Variants in FHOD3 observed in about 807,000 individuals in gnomAD.
The protein encoded by FHOD3 is formin homology 2 domain containing 3.
FHOD3 carries 90 observed loss-of-function variants against 173.0 expected under a neutral mutation model. That is an observed-to-expected ratio of 0.52 (90% CI 0.44 to 0.62). FHOD3 has a LOEUF of 0.62. Among genes scored for constraint, FHOD3 ranks in the 20% least tolerant of loss-of-function variants. The pLI is 0.00. For missense variants in FHOD3, 1,945 were observed against 2,034.7 expected (o/e 0.96, Z 0.85); for synonymous variants, 828 against 823.0 (o/e 1.01, Z -0.10).
chr18:36,444,215 A>ATTG (rs2051333146), intron 3 of FHOD3, among the ~76,000 whole-genome samples: 1 of 150,900 alleles, frequency 6.6e-6, no homozygotes, highest in Admixed American at 6.6e-5. Context: ...AAAAAAAAGA[A>ATTG]TTGTAAATTT....
At chr18:36,735,210 A>T (rs1568695900) in intron 20 of FHOD3, among the ~76,000 whole-genome samples, 1 of 152,216 alleles carries the variant, frequency 6.6e-6, no homozygotes, top group Non-Finnish European at 1.5e-5. Context: ...TCCTAGAAAC[A>T]GAAGTTTTCT....
rs192615953 is a variant in FHOD3, at chr18:36,598,676, G to A, written c.718+3778G>A. Among the ~76,000 whole-genome samples the A allele has an allele frequency of 1.5e-4, 22 of 151,630 alleles. 1 individual carries two copies. The highest frequency in any genetic ancestry group is 1.4e-3 in the East Asian group (7 of 5,150). On this transcript the variant is annotated intron_variant, in intron 7 of 28. Transcript: ENST00000590592. ...CGCCATTCTTCTGCCTCAGCCTCCCGAGTAGTTGCACTACAGGCACCCGCC... is the reference window on the plus strand; with the variant it reads ...CGCCATTCTTCTGCCTCAGCCTCCCAAGTAGTTGCACTACAGGCACCCGCC...
At chr18:36,360,747 G>A (rs2046567269) in intron 2 of FHOD3, among the ~76,000 whole-genome samples, 1 of 152,142 alleles carries the variant, frequency 6.6e-6, no homozygotes. Flanking sequence ...GGATTTTGGT[G>A]GGGAGGTATT....
intron 28 of FHOD3, among the ~76,000 whole-genome samples, chr18:36,777,212 T>C (rs1357751304): frequency 6.8e-6 from 1 of 147,836 alleles, no homozygotes; most frequent in Non-Finnish European, 1.5e-5. Flanking sequence ...TTTTTTTTTT[T>C]TTTTTTTTGA....
chr18:36,497,161 A>C (rs2054788299), intron 3 of FHOD3, among the ~76,000 whole-genome samples: 1 of 152,248 alleles, frequency 6.6e-6, no homozygotes, highest in African/African-American at 2.4e-5. Context: ...ATTTAAACAA[A>C]TGACTATAAA....
intron 18 of FHOD3, among the ~76,000 whole-genome samples, chr18:36,716,914 ATGTGTGTGTGTGTGTGTGTGTGTG>A (rs57041859): frequency 2.2e-5 from 3 of 136,814 alleles, no homozygotes; most frequent in African/African-American, 8.1e-5. Context: ...ATATATGTGT[ATGTGTGTGTGTGTGTGTGTGTGTG>A]TGTGTGTGTG....
At chr18:36,444,054 G>A (rs566235542) in intron 3 of FHOD3, among the ~76,000 whole-genome samples, 6 of 151,946 alleles carry the variant, frequency 3.9e-5, no homozygotes, top group African/African-American at 1.5e-4. Context: ...TTAGCCGGGG[G>A]CAGTGGCGGG....
chr18:36,648,651 T>C (rs1412292533), intron 10 of FHOD3, among the ~76,000 whole-genome samples: 1 of 152,038 alleles, frequency 6.6e-6, no homozygotes, highest in Non-Finnish European at 1.5e-5. Flanking sequence ...TTATAGTGAG[T>C]CATCCCTGAT....
chr18:36,456,498 A>G lies in FHOD3; in HGVS notation c.338-45434A>G, dbSNP rs369443382. 1.6e-3 allele frequency among the ~76,000 whole-genome samples: 248 copies of G among 152,206 alleles called. 1 individual carries two copies. Among genetic ancestry groups the G allele is most frequent in the African/African-American group, 5.9e-3 (246 of 41,460 alleles). On this transcript the variant is annotated intron_variant, in intron 3 of 28. Transcript: ENST00000590592. ...AAGAAATGGTCATTTCTTATAAAAC[A>G]GTATGTGTTCCTATGTCATGGGTAA...
At chr18:36,419,057 CTT>C (rs2049840440) in intron 3 of FHOD3, among the ~76,000 whole-genome samples, 1 of 152,026 alleles carries the variant, frequency 6.6e-6, no homozygotes, top group Non-Finnish European at 1.5e-5. Flanking sequence ...CTAAAAAGAA[CTT>C]ACAAGGTTAA....
At chr18:36,526,831 A>G (rs1294027938) in intron 5 of FHOD3, among the ~76,000 whole-genome samples, 1 of 152,270 alleles carries the variant, frequency 6.6e-6, no homozygotes, top group Non-Finnish European at 1.5e-5. Flanking sequence ...GCACAAAAGT[A>G]TCTAGGCATT....
At position 36,576,476 on chromosome 18, in the gene FHOD3, G is replaced by A. The variant is rs1220034561; in HGVS notation, c.537G>A (p.Val179=). Residue 179 remains valine (V), a synonymous_variant, in exon 6 of 29, where the codon GTG becomes GTA. Transcript: ENST00000590592. ...CTTTGGGCCAGATTATGTTGTATGTGGATGGAATGAATGGAGTAATAAACC... is the reference window on the plus strand; with the variant it reads ...CTTTGGGCCAGATTATGTTGTATGTAGATGGAATGAATGGAGTAATAAACC... ...LRALGQIMLY[V]DGMNGVINRN... 3.1e-6 allele frequency: 5 copies of A among 1,613,614 alleles called. No individual in the cohort carries two copies. The highest frequency in any genetic ancestry group is 1.1e-5 in the South Asian group (1 of 90,962).
At chr18:36,447,213 ATGC>A (rs2051537340) in intron 3 of FHOD3, among the ~76,000 whole-genome samples, 1 of 152,158 alleles carries the variant, frequency 6.6e-6, no homozygotes, top group South Asian at 2.1e-4. Flanking sequence ...ATTACTGTAA[ATGC>A]AGTATCTCAT....
At chr18:36,307,666 C>CTG (rs2092138993) in intron 1 of FHOD3, among the ~76,000 whole-genome samples, 2 of 152,190 alleles carry the variant, frequency 1.3e-5, no homozygotes, top group African/African-American at 4.8e-5. Context: ...TCCACTTAAA[C>CTG]TGTGTGTGTG....
intron 17 of FHOD3, among the ~76,000 whole-genome samples, chr18:36,698,772 GACTTCATT>G (rs1203956414): frequency 6.6e-6 from 1 of 152,192 alleles, no homozygotes; most frequent in Non-Finnish European, 1.5e-5. Flanking sequence ...AGAGACAAAG[GACTTCATT>G]ACTTCTAGTG....
chr18:36,463,643 G>C (rs1054158165), intron 3 of FHOD3, among the ~76,000 whole-genome samples: 3 of 151,826 alleles, frequency 2.0e-5, no homozygotes, highest in Non-Finnish European at 4.4e-5. Context: ...CTACAGGTGT[G>C]CACCACCATG....
chr18:36,376,774 A>T (rs1324457559), intron 3 of FHOD3, among the ~76,000 whole-genome samples: 1 of 152,260 alleles, frequency 6.6e-6, no homozygotes, highest in African/African-American at 2.4e-5. Flanking sequence ...TTTCTCTTGC[A>T]GGCCCTATCA....
chr18:36,718,365 C>CCT lies in FHOD3; in HGVS notation c.3068_3069insTC (p.Pro1025HisfsTer44). ...TCACAGGGAGGCCCCTGGGCCACCT[C>CCT]CCCCACCCCCACCCACCTTTCTGGG... On this transcript the variant is annotated frameshift_variant, in exon 19 of 29. Transcript: ENST00000590592. LOFTEE classifies it high-confidence loss of function. The CCT allele has an allele frequency of 8.1e-7, 1 of 1,241,720 alleles. No homozygotes were observed. The highest frequency in any genetic ancestry group is 1.9e-5 in the Admixed American group (1 of 51,294). 76.9% of individuals were successfully genotyped at this position (1,241,720 alleles called of 1,614,324 possible).
chr18:36,621,493 G>A (rs550622909), intron 9 of FHOD3, among the ~76,000 whole-genome samples: 1 of 152,296 alleles, frequency 6.6e-6, no homozygotes, highest in South Asian at 2.1e-4. Context: ...GTCTAAGACG[G>A]CCTTAGTTTA....
Sources: allele counts gnomAD v4.1 joint callset (sites outside exome capture counted in the v4.1 genomes callset), GRCh38; gene constraint gnomAD v4.1.1; transcripts MANE v1.5; gene names NCBI Gene and HGNC (gene_info 2026-07-23, HGNC 2026-07-21).